The following LRRC8D variants were observed in gnomAD, a reference collection of about 807,000 sequenced individuals.
LRRC8D encodes the protein leucine rich repeat containing 8 VRAC subunit D, also known as volume-regulated anion channel subunit LRRC8D.
In LRRC8D, 20 loss-of-function variants were observed where a neutral mutation model predicts 55.8. That is an observed-to-expected ratio of 0.36 (90% CI 0.25 to 0.52). LRRC8D has a LOEUF of 0.52. Ranked by LOEUF, LRRC8D falls within the 20% of genes least tolerant of loss-of-function variation. The probability of loss-of-function intolerance (pLI) is 0.93; values close to 1 mark genes in which losing one functional copy is unlikely to be tolerated. For synonymous variants in LRRC8D, 352 were observed against 377.0 expected (o/e 0.93, Z 0.77); for missense variants, 651 against 1,030.8 (o/e 0.63, Z 5.05).
At chr1:89,890,349 T>C (rs1662545012) in intron 2 of LRRC8D, among the ~76,000 whole-genome samples, 1 of 152,224 alleles carries the variant, frequency 6.6e-6, no homozygotes, top group Admixed American at 6.5e-5. Context: ...CAGGTTCAAC[T>C]TTGTCCTGAG....
At chr1:89,898,903 A>G (rs990310839) in intron 2 of LRRC8D, among the ~76,000 whole-genome samples, 4 of 152,236 alleles carry the variant, frequency 2.6e-5, no homozygotes, top group African/African-American at 7.2e-5. Context: ...GTGTTGAGTA[A>G]CTCAAAAGCA....
intron 2 of LRRC8D, among the ~76,000 whole-genome samples, chr1:89,867,768 G>A (rs1417600092): frequency 1.3e-5 from 2 of 152,070 alleles, no homozygotes; most frequent in Non-Finnish European, 2.9e-5. Flanking sequence ...TAATAACTAA[G>A]GATGTAGAAC....
At chr1:89,851,549 G>A (rs937353616) in intron 2 of LRRC8D, among the ~76,000 whole-genome samples, 4 of 147,074 alleles carry the variant, frequency 2.7e-5, no homozygotes, top group Admixed American at 6.9e-5. Flanking sequence ...TTGCTGTGTT[G>A]CCCAGGCTGG....
At chr1:89,898,828 G>T (rs1384293084) in intron 2 of LRRC8D, among the ~76,000 whole-genome samples, 2 of 152,194 alleles carry the variant, frequency 1.3e-5, no homozygotes, top group African/African-American at 4.8e-5. Context: ...TGTTTGTGCA[G>T]AAAGGGCTGG....
At chr1:89,902,592 G>T (rs1019923486) in intron 2 of LRRC8D, among the ~76,000 whole-genome samples, 1 of 150,648 alleles carries the variant, frequency 6.6e-6, no homozygotes, top group Admixed American at 6.6e-5. Context: ...GCTGGAGTGC[G>T]GTGACACCAT....
chr1:89,920,016 T>G (rs770380943), intron 2 of LRRC8D, among the ~76,000 whole-genome samples: 1 of 152,186 alleles, frequency 6.6e-6, no homozygotes, highest in Admixed American at 6.5e-5. Flanking sequence ...TGGAATAAAA[T>G]GTGGAAGCCA....
intron 2 of LRRC8D, among the ~76,000 whole-genome samples, chr1:89,867,154 T>C (rs1238312762): frequency 6.6e-6 from 1 of 152,208 alleles, no homozygotes; most frequent in African/African-American, 2.4e-5. Context: ...CTGTCCCCAG[T>C]TAACATCATT....
chr1:89,899,023 T>G (rs996247164), intron 2 of LRRC8D, among the ~76,000 whole-genome samples: 5 of 152,200 alleles, frequency 3.3e-5, no homozygotes, highest in African/African-American at 1.2e-4. Context: ...CTTTTCATCT[T>G]AAATTTAGAT....
intron 1 of LRRC8D, among the ~76,000 whole-genome samples, chr1:89,834,992 A>G (rs1267039999): frequency 6.6e-6 from 1 of 152,256 alleles, no homozygotes; most frequent in African/African-American, 2.4e-5. Flanking sequence ...AGGTTATTCC[A>G]TTGAAGGTTC....
chr1:89,895,600 T>C (rs879555180), intron 2 of LRRC8D, among the ~76,000 whole-genome samples: 10 of 152,238 alleles, frequency 6.6e-5, no homozygotes, highest in Non-Finnish European at 1.0e-4. Flanking sequence ...TGACATGTAC[T>C]TTTAAAAATT....
intron 1 of LRRC8D, among the ~76,000 whole-genome samples, chr1:89,842,117 G>A (rs963504210): frequency 2.6e-5 from 4 of 151,716 alleles, no homozygotes; most frequent in African/African-American, 9.7e-5. Context: ...GGAGGCTGAG[G>A]CAGGAGAATC....
At chr1:89,847,050 A>T (rs1046930891) in intron 2 of LRRC8D, among the ~76,000 whole-genome samples, 1 of 152,200 alleles carries the variant, frequency 6.6e-6, no homozygotes, top group Non-Finnish European at 1.5e-5. Context: ...GAACAACGTG[A>T]GCAAACCCAT....
At chr1:89,874,443 T>TTGTGTGTG (rs36202085) in intron 2 of LRRC8D, among the ~76,000 whole-genome samples, 60 of 146,402 alleles carry the variant, frequency 4.1e-4, no homozygotes, top group African/African-American at 6.0e-4. Flanking sequence ...AAGAAACTAT[T>TTGTGTGTG]TGTGTGTGTG....
rs1047010037 is a variant in LRRC8D at position 89,935,037 on chromosome 1, C to T, written c.1969C>T (p.Leu657Phe). 3 of 1,614,072 alleles carry T rather than the reference C, an allele frequency of 1.9e-6. No homozygotes were observed. The highest frequency in any genetic ancestry group is 2.5e-6 in the Non-Finnish European group (3 of 1,180,040). The change falls in exon 3 of 3, where the codon CTC becomes TTC. Residue 657 changes from leucine (L) to phenylalanine (F), a missense_variant. This residue lies in a region of LRRC8D where 338 missense variants were observed against 479.4 expected (regional missense o/e 0.71). Transcript: ENST00000337338. ...LERIPHAIFS[L>F]SNLQELDLKS... is the part of the protein sequence containing the mutation. ...GAGAATCCCACATGCTATTTTCAGC[C>T]TCTCTAATTTACAGGAACTGGATTT...
intron 2 of LRRC8D, among the ~76,000 whole-genome samples, chr1:89,929,094 A>G (rs914479751): frequency 1.3e-5 from 2 of 152,260 alleles, no homozygotes; most frequent in African/African-American, 4.8e-5. Flanking sequence ...AGGACAAAGA[A>G]GGAAGTGGGC....
chr1:89,912,002 C>T (rs1440120878), intron 2 of LRRC8D, among the ~76,000 whole-genome samples: 1 of 152,096 alleles, frequency 6.6e-6, no homozygotes, highest in Non-Finnish European at 1.5e-5. Flanking sequence ...TGTATGCTCT[C>T]CTTGGATTAT....
chr1:89,907,782 A>G (rs1018749449), intron 2 of LRRC8D, among the ~76,000 whole-genome samples: 4 of 152,164 alleles, frequency 2.6e-5, no homozygotes, highest in African/African-American at 9.7e-5. Flanking sequence ...ATGTGTTTAT[A>G]TGTCACTTCT....
At chr1:89,843,966 G>C (rs113834473) in intron 2 of LRRC8D, among the ~76,000 whole-genome samples, 184 bp downstream of exon 2, 8 of 91,626 alleles carry the variant, frequency 8.7e-5, no homozygotes, top group Non-Finnish European at 1.9e-4. Flanking sequence ...TCGGGCCGGC[G>C]GAAGGCCCTG....
intron 1 of LRRC8D, among the ~76,000 whole-genome samples, chr1:89,836,595 T>C (rs1661009900): frequency 1.3e-5 from 2 of 152,338 alleles, no homozygotes; most frequent in Admixed American, 1.3e-4. Flanking sequence ...TTACTGATAG[T>C]GTATGGAATA....
Sources: gnomAD v4.1 joint callset for allele counts (sites outside exome capture counted in the v4.1 genomes callset) on GRCh38, gnomAD v4.1.1 for gene constraint, gnomAD v4.1.1 regional missense constraint, MANE v1.5 for transcripts, NCBI Gene and HGNC (gene_info 2026-07-23, HGNC 2026-07-21) for gene names.